Variants in CDK10 observed in about 807,000 individuals in gnomAD.
The protein encoded by CDK10 is cyclin-dependent kinase 10.
In CDK10, 55 loss-of-function variants were observed where a neutral mutation model predicts 51.0. The ratio of observed to expected loss-of-function variants is 1.08; its 90% CI spans 0.87 to 1.35. CDK10 has a LOEUF of 1.35. Ranked by LOEUF, CDK10 falls within the 40% of genes most tolerant of loss-of-function variation. The probability of loss-of-function intolerance (pLI) is 0.00; values close to 1 mark genes in which losing one functional copy is unlikely to be tolerated. For synonymous variants in CDK10, 255 were observed against 199.1 expected (o/e 1.28, Z -2.36); for missense variants, 589 against 485.1 (o/e 1.21, Z -2.01).
rs751005431 is a variant in CDK10, at chr16:89,691,553, G to A, written c.335+8G>A. 2.0e-5 allele frequency: 32 copies of A among 1,604,914 alleles called. No individual in the cohort carries two copies. The highest frequency in any genetic ancestry group is 2.7e-5 in the Non-Finnish European group (32 of 1,172,306). On this transcript the variant is annotated splice_region_variant and intron_variant, in intron 4 of 12. Coordinates refer to ENST00000353379, the MANE Select transcript of CDK10 (RefSeq NM_052988.5). ...GGGGAACCACCTGGAGAGGTACGTGGTCTCCTGGTCTGCACATTGGGCCCT... is the reference window on the plus strand; with the variant it reads ...GGGGAACCACCTGGAGAGGTACGTGATCTCCTGGTCTGCACATTGGGCCCT...
chr16:89,694,370 G>A, intron 9 of CDK10, 138 bp downstream of exon 9: 1 of 988,948 alleles, frequency 1.0e-6, no homozygotes, highest in South Asian at 1.4e-5. Context: ...TCCCAGGGAG[G>A]TGGGCCTGAG....
chr16:89,690,284 T>G (rs934406585), intron 2 of CDK10: 1 of 506,186 alleles, frequency 2.0e-6, no homozygotes, highest in East Asian at 3.2e-5. Flanking sequence ...ATGGAGAGCC[T>G]GGAGCCACAG....
intron 4 of CDK10, 116 bp downstream of exon 4, chr16:89,691,661 GACC>G (rs1202754788): frequency 8.3e-7 from 1 of 1,203,954 alleles, no homozygotes; most frequent in Non-Finnish European, 1.2e-6. Context: ...GAGAAGAGAT[GACC>G]CCACCTCACC....
At position 89,691,871 on chromosome 16, in the gene CDK10, C is replaced by T; in HGVS notation, c.401C>T (p.Pro134Leu). The change falls in exon 5 of 13, where the codon CCC (proline) becomes CTC (leucine). Residue 134 changes from proline (P) to leucine (L), a missense_variant. By Grantham distance (98) the Pro-to-Leu change is moderately conservative. Transcript: ENST00000353379. ...LASLLENMPT[P>L]FSEAQVKCIV... is the part of the protein sequence containing the mutation. ...AGCCTCCTGGAGAATATGCCAACAC[C>T]CTTCTCGGAGGCTCAGGTGCGTGGC... The T allele has an allele frequency of 1.9e-6, 3 of 1,613,990 alleles. No homozygotes were observed. The highest frequency in any genetic ancestry group is 2.2e-5 in the East Asian group (1 of 44,866).
intron 3 of CDK10, among the ~76,000 whole-genome samples, chr16:89,691,099 A>C (rs1485696438): frequency 6.6e-6 from 1 of 152,212 alleles, no homozygotes; most frequent in Admixed American, 6.5e-5. Flanking sequence ...CAGCCTGACC[A>C]ACATGGAGAA....
At chr16:89,691,223 T>C (rs906876143) in intron 3 of CDK10, among the ~76,000 whole-genome samples, 3 of 151,550 alleles carry the variant, frequency 2.0e-5, no homozygotes, top group Non-Finnish European at 4.4e-5. Context: ...AGGCAGAGGT[T>C]GCGGTGAGCC....
Position 89,694,979 on chromosome 16 carries a change from C to T in CDK10, c.841C>T (p.Pro281Ser). 4 of 1,613,428 alleles carry T rather than the reference C, an allele frequency of 2.5e-6. No individual in the cohort carries two copies. Among genetic ancestry groups the T allele is most frequent in the Non-Finnish European group, 3.4e-6 (4 of 1,180,036 alleles). ...CGGCCAGTACAGCCTCCGGAAGCAG[C>T]CCTACAACAACCTGAAGCACAAGTT... is the stretch of plus-strand genomic sequence containing the variant. ...LVGQYSLRKQ[P>S]YNNLKHKFPW... The change falls in exon 11 of 13, where the codon CCC becomes TCC. Residue 281 changes from proline to serine, a missense_variant. Pro to Ser is a moderately conservative substitution (Grantham distance 74, BLOSUM62 -1). Transcript: ENST00000353379.
rs1487285567 is a variant in CDK10 at position 89,696,125 on chromosome 16, G to T, written c.*433G>T. 4 of 411,650 alleles carry T rather than the reference G, an allele frequency of 9.7e-6. No individual in the cohort carries two copies. Among genetic ancestry groups the T allele is most frequent in the South Asian group, 7.3e-5 (3 of 41,332 alleles). 25.5% of individuals were successfully genotyped at this position (411,650 alleles called of 1,614,324 possible). The stretch of plus-strand genomic sequence containing the variant: ...GTCGCCCGGGGCTGTCCCGTGCATG[G>T]GTTGGCTGTGGGGACCCCAGGTGGG... On this transcript the variant is annotated 3_prime_UTR_variant, in exon 13 of 13. Transcript: ENST00000353379.
At position 89,695,812 on chromosome 16, in the gene CDK10, G is replaced by A. The variant is rs1396834551; in HGVS notation, c.*120G>A. On this transcript the variant is annotated 3_prime_UTR_variant, in exon 13 of 13. Transcript: ENST00000353379. ...GGATCCAGCTCATCCCCTTGGCTGGGAACATCCTCCACTGACTTCCTCCCA... is the reference window on the plus strand; with the variant it reads ...GGATCCAGCTCATCCCCTTGGCTGGAAACATCCTCCACTGACTTCCTCCCA... 6.4e-7 allele frequency: 1 copy of A among 1,551,632 alleles called. No homozygotes were observed. The highest frequency in any genetic ancestry group is 2.4e-5 in the East Asian group (1 of 42,208).
chr16:89,695,940 G>A lies in CDK10; in HGVS notation c.*248G>A, dbSNP rs965128664. The A allele has an allele frequency of 8.4e-6, 6 of 710,914 alleles. No individual in the cohort carries two copies. The highest frequency in any genetic ancestry group is 1.4e-5 in the Non-Finnish European group (6 of 419,818). 44.0% of individuals were successfully genotyped at this position (710,914 alleles called of 1,614,324 possible). A position where few individuals can be genotyped will look rare whatever the true frequency, so the allele number is the denominator to read the frequency against. ...AAGGGCAGGTCTGGCGGCTCCATCCGTGGCTGCAGGGGTCTCATGTGGTCC... is the reference window on the plus strand; with the variant it reads ...AAGGGCAGGTCTGGCGGCTCCATCCATGGCTGCAGGGGTCTCATGTGGTCC... On this transcript the variant is annotated 3_prime_UTR_variant, in exon 13 of 13. Transcript: ENST00000353379.
At chr16:89,691,314 C>G (rs2060436441) in intron 3 of CDK10, 129 bp from the exon 4 acceptor site, 1 of 621,690 alleles carries the variant, frequency 1.6e-6, no homozygotes, top group Admixed American at 3.2e-5. Context: ...TGGGGTCGCC[C>G]CAATTCTCCC....
At position 89,695,080 on chromosome 16, in the gene CDK10, T is replaced by G. The variant is rs373606849; in HGVS notation, c.932+10T>G. 5.0e-5 allele frequency: 81 copies of G among 1,609,840 alleles called. No homozygotes were observed. The highest frequency in any genetic ancestry group is 3.0e-4 in the Admixed American group (18 of 59,832). The stretch of plus-strand genomic sequence containing the variant: ...ACGACCCTAAGAAAAGGTGCTGATC[T>G]CTGCACGGGGGGCAGGGACCCTCAC... On this transcript the variant is annotated intron_variant, in intron 11 of 12. Coordinates refer to ENST00000353379, the MANE Select transcript of CDK10 (RefSeq NM_052988.5).
chr16:89,693,535 G>A (rs1430107155), intron 8 of CDK10, 68 bp downstream of exon 8: 2 of 1,512,428 alleles, frequency 1.3e-6, no homozygotes, highest in Admixed American at 1.7e-5. Flanking sequence ...CCTTGGGGAT[G>A]TCAGGCCGAA....
At position 89,693,464 on chromosome 16, in the gene CDK10, T is replaced by G. The variant is rs1450005193; in HGVS notation, c.605T>G (p.Leu202Arg). ...VKPMTPKVVTLWYRAPELLLG... is the reference protein window; with the variant it reads ...VKPMTPKVVTRWYRAPELLLG... ...CCAATGACCCCCAAGGTGGTCACTC[T>G]CTGGTAAGTCCTTCTGAAGCATGGT... Residue 202 changes from leucine (L) to arginine (R), a missense_variant, in exon 8 of 13, where the codon CTC becomes CGC. Coordinates refer to ENST00000353379, the MANE Select transcript of CDK10 (RefSeq NM_052988.5). 1 of 1,614,000 alleles carries G rather than the reference T, an allele frequency of 6.2e-7. No homozygotes were observed. Among genetic ancestry groups the G allele is most frequent in the East Asian group, 2.2e-5 (1 of 44,878 alleles).
rs909331735 is a variant in CDK10 at position 89,694,295 on chromosome 16, C to T, written c.668+63C>T. Reference sequence around the variant, plus strand: ...AGGGCTGGGACAGGAGCCGGGTCACCTGGTTCCTGAGCTCAGCCTCAGGGG... The same window carrying T: ...AGGGCTGGGACAGGAGCCGGGTCACTTGGTTCCTGAGCTCAGCCTCAGGGG... On this transcript the variant is annotated intron_variant, in intron 9 of 12. Transcript: ENST00000353379. 7.1e-6 allele frequency: 11 copies of T among 1,547,674 alleles called. No individual in the cohort carries two copies. The African/African-American group carries it at 1.2e-4, about 17-fold the overall frequency.
chr16:89,689,110 A>G (rs745477502), intron 1 of CDK10, 142 bp from the exon 2 acceptor site: 26 of 718,728 alleles, frequency 3.6e-5, no homozygotes, highest in Non-Finnish European at 5.3e-5. Flanking sequence ...AAAAAAAGAA[A>G]AAAAAAGCCC....
intron 3 of CDK10, among the ~76,000 whole-genome samples, chr16:89,690,985 G>C (rs973918833): frequency 6.6e-6 from 1 of 152,218 alleles, no homozygotes; most frequent in Admixed American, 6.5e-5. Context: ...GGTCAAGGAA[G>C]AGTTAAAAGT....
At chr16:89,689,445 G>A in intron 2 of CDK10, 121 bp downstream of exon 2, 1 of 795,094 alleles carries the variant, frequency 1.3e-6, no homozygotes. Context: ...CTCTGAAACA[G>A]GGCAGAAACC....
Position 89,695,076 on chromosome 16 carries a change from G to C in CDK10, c.932+6G>C. 1 of 1,611,496 alleles carries C rather than the reference G, an allele frequency of 6.2e-7. No individual in the cohort carries two copies. The highest frequency in any genetic ancestry group is 8.5e-7 in the Non-Finnish European group (1 of 1,179,320). On this transcript the variant is annotated splice_donor_region_variant and intron_variant, in intron 11 of 12. Transcript: ENST00000353379. ...ATGTACGACCCTAAGAAAAGGTGCT[G>C]ATCTCTGCACGGGGGGCAGGGACCC...
Sources: gnomAD v4.1 joint callset for allele counts (sites outside exome capture counted in the v4.1 genomes callset) on GRCh38, gnomAD v4.1.1 for gene constraint, MANE v1.5 for transcripts, NCBI Gene and HGNC (gene_info 2026-07-23, HGNC 2026-07-21) for gene names.